The following NLRP4 variants were observed in gnomAD, a reference collection of about 807,000 sequenced individuals.
NLRP4 encodes NLR family pyrin domain containing 4, also known as NACHT, LRR and PYD domains-containing protein 4.
A neutral mutation model predicts 84.7 loss-of-function variants in NLRP4; 44 were observed. That is an observed-to-expected ratio of 0.52 (90% CI 0.41 to 0.67). The LOEUF (loss-of-function observed/expected upper bound fraction) is 0.67, where lower values mean the gene tolerates loss of function less well. NLRP4 is among the 30% of genes least tolerant of loss of function. The pLI, the probability that NLRP4 is intolerant of heterozygous loss-of-function variation, is 0.00. For synonymous variants in NLRP4, 544 were observed against 476.4 expected (o/e 1.14, Z -1.85); for missense variants, 1,260 against 1,219.4 (o/e 1.03, Z -0.50).
At chr19:55,879,661 A>T (rs1191286316) in intron 9 of NLRP4, among the ~76,000 whole-genome samples, 1 of 152,256 alleles carries the variant, frequency 6.6e-6, no homozygotes, top group African/African-American at 2.4e-5. Context: ...CATTCCCCCC[A>T]TGCAATCTTC....
chr19:55,858,794 G>C lies in NLRP4; in HGVS notation c.1401G>C (p.Lys467Asn). The C allele has an allele frequency of 6.2e-7, 1 of 1,614,166 alleles. No individual in the cohort carries two copies. Among genetic ancestry groups the C allele is most frequent in the South Asian group, 1.1e-5 (1 of 91,084 alleles). Residue 467 changes from lysine (K) to asparagine (N), a missense_variant, in exon 3 of 10, where the codon AAG (lysine) becomes AAC (asparagine). By Grantham distance (94) the Lys-to-Asn change is moderately conservative. This residue lies in a region of NLRP4 where 712 missense variants were observed against 669.2 expected (regional missense o/e 1.06). Coordinates refer to ENST00000301295, the MANE Select transcript of NLRP4 (RefSeq NM_134444.5). The surrounding 1 kb of genome is among the most constrained non-coding windows in gnomAD (Gnocchi z 4.2). ...GTGCCGCCTTGTTCTATTTGCTCAAGAGCCACCTTGATCATCCTCACCCAG... is the reference window on the plus strand; with the variant it reads ...GTGCCGCCTTGTTCTATTTGCTCAACAGCCACCTTGATCATCCTCACCCAG... ...EFCAALFYLL[K>N]SHLDHPHPAV...
intron 1 of NLRP4, among the ~76,000 whole-genome samples, chr19:55,848,902 G>T (rs1983907203): frequency 6.6e-6 from 1 of 152,126 alleles, no homozygotes; most frequent in Non-Finnish European, 1.5e-5. Context: ...CGTGAGACCT[G>T]ATGGTTCTAT....
At chr19:55,873,869 A>T (rs1304195303) in intron 7 of NLRP4, among the ~76,000 whole-genome samples, 1 of 152,298 alleles carries the variant, frequency 6.6e-6, no homozygotes, top group South Asian at 2.1e-4. Flanking sequence ...AAATTAGAAC[A>T]TATGTTGAAA....
intron 1 of NLRP4, among the ~76,000 whole-genome samples, chr19:55,840,991 C>A (rs73622417): frequency 6.6e-6 from 1 of 152,040 alleles, no homozygotes; most frequent in African/African-American, 2.4e-5. Flanking sequence ...CTATTTTGTT[C>A]AGATTTCCCA....
At chr19:55,869,961 G>A (rs7257681) in intron 6 of NLRP4, among the ~76,000 whole-genome samples, 9,648 of 151,938 alleles carry the variant, frequency 0.063, 702 homozygotes, top group African/African-American at 0.17. Flanking sequence ...GTGGTGGCAC[G>A]CACCTGTAGT....
intron 5 of NLRP4, among the ~76,000 whole-genome samples, chr19:55,867,507 G>A (rs562204406): frequency 6.6e-6 from 1 of 151,824 alleles, no homozygotes; most frequent in East Asian, 1.9e-4. Context: ...AGCCAAGCAT[G>A]CATATAACTG....
At chr19:55,877,282 G>C in intron 8 of NLRP4, 116 bp downstream of exon 8, 2 of 938,852 alleles carry the variant, frequency 2.1e-6, no homozygotes, top group South Asian at 3.1e-5. Context: ...AGCTGTGGTT[G>C]CATCATGAAC....
At chr19:55,872,966 G>C (rs1253465555) in intron 7 of NLRP4, among the ~76,000 whole-genome samples, 1 of 152,186 alleles carries the variant, frequency 6.6e-6, no homozygotes, top group East Asian at 1.9e-4. Context: ...TGGGTGAAGA[G>C]TAATAGTGGA....
chr19:55,847,221 C>G (rs1427523254), intron 1 of NLRP4, among the ~76,000 whole-genome samples: 2 of 152,124 alleles, frequency 1.3e-5, no homozygotes, highest in African/African-American at 4.8e-5. Flanking sequence ...TTATTTTCCA[C>G]TGTATAACTT....
intron 5 of NLRP4, among the ~76,000 whole-genome samples, chr19:55,864,089 A>G (rs1984864269): frequency 1.3e-5 from 2 of 152,236 alleles, no homozygotes; most frequent in Admixed American, 1.3e-4. Flanking sequence ...AAATACTTTT[A>G]AAGTATAACT....
At chr19:55,853,885 C>CTCTCTCTCTCTCTTTT (rs1984291024) in intron 2 of NLRP4, among the ~76,000 whole-genome samples, 3 of 122,204 alleles carry the variant, frequency 2.5e-5, no homozygotes, top group South Asian at 2.5e-4. Context: ...CTCTTGCTAT[C>CTCTCTCTCTCTCTTTT]TCTTTCTCTC....
At chr19:55,875,686 A>G (rs1448823056) in intron 7 of NLRP4, among the ~76,000 whole-genome samples, 1 of 152,144 alleles carries the variant, frequency 6.6e-6, no homozygotes, top group African/African-American at 2.4e-5. Flanking sequence ...AAATTTTAAA[A>G]TGTGTATGGA....
intron 5 of NLRP4, among the ~76,000 whole-genome samples, 186 bp downstream of exon 5, chr19:55,862,345 TG>T (rs1984797687): frequency 8.0e-6 from 1 of 124,356 alleles, no homozygotes. Flanking sequence ...GACCACTGAT[TG>T]GGTTTCAGAG....
chr19:55,840,870 C>T (rs184247699), intron 1 of NLRP4, among the ~76,000 whole-genome samples: 34 of 152,086 alleles, frequency 2.2e-4, no homozygotes, highest in African/African-American at 8.2e-4. Flanking sequence ...TTTTTAAAAG[C>T]CTGGAATAAT....
chr19:55,858,738 G>T lies in NLRP4; in HGVS notation c.1345G>T (p.Val449Leu). 1.2e-6 allele frequency: 2 copies of T among 1,614,164 alleles called. No individual in the cohort carries two copies. The highest frequency in any genetic ancestry group is 1.7e-6 in the Non-Finnish European group (2 of 1,180,024). ...LKYGERESSY[V>L]FLHVCIQEFC... is the part of the protein sequence containing the mutation. ...GTACGGGGAGCGTGAGAGCTCCTAC[G>T]TGTTCCTCCACGTGTGTATCCAGGA... The change falls in exon 3 of 10, where the codon GTG becomes TTG. Residue 449 changes from valine (V) to leucine (L), a missense_variant. Around this residue, in one of 3 missense-constraint regions of NLRP4, gnomAD observed 712 missense variants for 669.2 expected, o/e 1.06. Coordinates refer to ENST00000301295, the MANE Select transcript of NLRP4 (RefSeq NM_134444.5). The surrounding 1 kb of genome is among the most constrained non-coding windows in gnomAD (Gnocchi z 4.2).
At chr19:55,860,261 A>G (rs1015996755) in intron 3 of NLRP4, among the ~76,000 whole-genome samples, 1 of 152,164 alleles carries the variant, frequency 6.6e-6, no homozygotes, top group Non-Finnish European at 1.5e-5. Flanking sequence ...CTGGGATTAC[A>G]GGCGTGAGCC....
intron 3 of NLRP4, among the ~76,000 whole-genome samples, chr19:55,860,766 T>C (rs977826300): frequency 6.6e-6 from 1 of 152,052 alleles, no homozygotes; most frequent in East Asian, 1.9e-4. Context: ...TGCTGCCTCA[T>C]CTTTTACTGT....
At chr19:55,861,938 C>T in intron 4 of NLRP4, 54 bp from the exon 5 acceptor site, 2 of 1,170,114 alleles carry the variant, frequency 1.7e-6, no homozygotes, top group Non-Finnish European at 2.6e-6. Flanking sequence ...CACAGGTGTG[C>T]AGGCTGTGCT....
chr19:55,859,554 A>T (rs1002617450), intron 3 of NLRP4, among the ~76,000 whole-genome samples: 7 of 152,134 alleles, frequency 4.6e-5, no homozygotes, highest in African/African-American at 1.7e-4. Context: ...GATCAGTACT[A>T]TAATCGATAT....
Sources: allele counts gnomAD v4.1 joint callset (sites outside exome capture counted in the v4.1 genomes callset), GRCh38; gene constraint gnomAD v4.1.1; regional missense constraint gnomAD v4.1.1; non-coding constraint Gnocchi (gnomAD v3.1); transcripts MANE v1.5; gene names NCBI Gene and HGNC (gene_info 2026-07-23, HGNC 2026-07-21).